DEPDC1B: variants seen among roughly 807,000 people sequenced by gnomAD.
The protein encoded by DEPDC1B is DEP domain-containing protein 1B.
DEPDC1B carries 51 observed loss-of-function variants against 66.5 expected under a neutral mutation model. The observed-to-expected ratio is 0.77, with a 90% CI of 0.61 to 0.97. DEPDC1B has a LOEUF of 0.97. Among genes scored for constraint, DEPDC1B ranks in the 50% least tolerant of loss-of-function variants. DEPDC1B has a pLI of 0.00. For missense variants in DEPDC1B, 552 were observed against 637.1 expected (o/e 0.87, Z 1.44); for synonymous variants, 226 against 223.6 (o/e 1.01, Z -0.10).
chr5:60,683,727 C>T (rs1754349831), intron 2 of DEPDC1B, among the ~76,000 whole-genome samples: 1 of 152,044 alleles, frequency 6.6e-6, no homozygotes, highest in African/African-American at 2.4e-5. Context: ...TTTCACCACT[C>T]TTACTGAAAA....
chr5:60,631,097 A>G (rs988183894), intron 7 of DEPDC1B: 5 of 152,274 alleles, frequency 3.3e-5, no homozygotes, highest in African/African-American at 9.7e-5. Flanking sequence ...CCTGGGGAAC[A>G]ATTCATTGAA....
rs751028330 is a variant in DEPDC1B at position 60,647,481 on chromosome 5, T to C, written c.367A>G (p.Lys123Glu). 5 of 1,612,518 alleles carry C rather than the reference T, an allele frequency of 3.1e-6. No individual in the cohort carries two copies. The Admixed American group carries it at 5.0e-5, about 16-fold the overall frequency. ...KPYPKKPPNQ[K>E]DVIKFPEWND... Reference sequence around the variant, plus strand: ...CATTCTGGAAATTTAATAACATCCTTTTGGTTTGGGGGCTTCTTTGGATAT... The same window carrying C: ...CATTCTGGAAATTTAATAACATCCTCTTGGTTTGGGGGCTTCTTTGGATAT... The change falls in exon 3 of 11, where the codon AAG becomes GAG. Residue 123 changes from lysine (K) to glutamate (E), a missense_variant. Transcript: ENST00000265036.
chr5:60,609,231 C>T (rs1007134188), intron 7 of DEPDC1B, among the ~76,000 whole-genome samples: 1 of 152,158 alleles, frequency 6.6e-6, no homozygotes, highest in African/African-American at 2.4e-5. Context: ...GATAAGCGAC[C>T]ATCCTTGACT....
chr5:60,663,554 A>G (rs1753769499), intron 2 of DEPDC1B, among the ~76,000 whole-genome samples: 1 of 152,136 alleles, frequency 6.6e-6, no homozygotes, highest in Non-Finnish European at 1.5e-5. Context: ...ATCCCCGTAC[A>G]TTCTGACTCT....
intron 8 of DEPDC1B, among the ~76,000 whole-genome samples, chr5:60,604,626 A>G (rs1752273798): frequency 6.6e-6 from 1 of 152,092 alleles, no homozygotes; most frequent in Non-Finnish European, 1.5e-5. Context: ...CTTTAAGCAA[A>G]AAATCATGTA....
intron 7 of DEPDC1B, among the ~76,000 whole-genome samples, chr5:60,620,040 A>T (rs1010508275): frequency 6.6e-6 from 1 of 152,218 alleles, no homozygotes; most frequent in Non-Finnish European, 1.5e-5. Flanking sequence ...GAAATGGGGA[A>T]ATGATTCCCT....
chr5:60,662,329 G>C (rs112951331), intron 2 of DEPDC1B, among the ~76,000 whole-genome samples: 1 of 152,004 alleles, frequency 6.6e-6, no homozygotes, highest in Middle Eastern at 3.2e-3. Context: ...CAGAGCTTGC[G>C]GTGAGCTGAG....
chr5:60,601,053 G>A (rs1005730411), intron 9 of DEPDC1B, among the ~76,000 whole-genome samples: 3 of 152,160 alleles, frequency 2.0e-5, no homozygotes, highest in African/African-American at 7.2e-5. Context: ...TCTCTCTCCT[G>A]CTGCCTCATG....
chr5:60,676,472 T>C (rs1458568677), intron 2 of DEPDC1B, among the ~76,000 whole-genome samples: 5 of 152,192 alleles, frequency 3.3e-5, no homozygotes, highest in Non-Finnish European at 1.5e-5. Flanking sequence ...TGCCTCGCTT[T>C]AATAACTTCT....
intron 7 of DEPDC1B, among the ~76,000 whole-genome samples, chr5:60,623,446 A>G (rs1352090076): frequency 6.6e-6 from 1 of 152,156 alleles, no homozygotes; most frequent in Non-Finnish European, 1.5e-5. Flanking sequence ...TCTTAAAAAC[A>G]GGTAATGTAA....
chr5:60,692,356 G>A (rs990392490), intron 1 of DEPDC1B, among the ~76,000 whole-genome samples: 1 of 152,132 alleles, frequency 6.6e-6, no homozygotes, highest in Non-Finnish European at 1.5e-5. Context: ...AGTATTTGAG[G>A]TGATGGATAT....
In DEPDC1B at chr5:60,700,040, A is replaced by G; in HGVS notation, c.48+6T>C. 1 of 1,555,006 alleles carries G rather than the reference A, an allele frequency of 6.4e-7. No individual in the cohort carries two copies. The highest frequency in any genetic ancestry group is 8.7e-7 in the Non-Finnish European group (1 of 1,151,062). The stretch of plus-strand genomic sequence containing the variant: ...GCTCCGCCCAGGCCCCAGCACACTC[A>G]CTCACCAGCCTGGTAGCTCGGTACG... On this transcript the variant is annotated splice_donor_region_variant and intron_variant, in intron 1 of 10. Coordinates refer to ENST00000265036, the MANE Select transcript of DEPDC1B (RefSeq NM_018369.3).
rs1192516493 is a variant in DEPDC1B at position 60,638,808 on chromosome 5, A to T, written c.840T>A (p.Gly280=). 2 of 1,613,144 alleles carry T rather than the reference A, an allele frequency of 1.2e-6. No individual in the cohort carries two copies. The highest frequency in any genetic ancestry group is 1.7e-6 in the Non-Finnish European group (2 of 1,179,544). The part of the protein sequence containing the change: ...DVFKTIADYY[G]HLKEPLLTFH... ...ATGTAAGTAGAGGCTCTTTCAAGTG[A>T]CCATAGTAATCAGCTATGGTTTTAA... The change falls in exon 7 of 11, where the codon GGT becomes GGA. Residue 280 remains glycine (G), a synonymous_variant. Transcript: ENST00000265036.
At chr5:60,620,991 G>A (rs1752687429) in intron 7 of DEPDC1B, among the ~76,000 whole-genome samples, 1 of 152,090 alleles carries the variant, frequency 6.6e-6, no homozygotes, top group Admixed American at 6.6e-5. Context: ...GCTTTGTAGG[G>A]ACATGGATGA....
intron 10 of DEPDC1B, among the ~76,000 whole-genome samples, chr5:60,598,190 A>G (rs1254045307): frequency 6.6e-6 from 1 of 152,192 alleles, no homozygotes; most frequent in African/African-American, 2.4e-5. Context: ...TCTGACTTCA[A>G]AATAACTTCT....
intron 2 of DEPDC1B, among the ~76,000 whole-genome samples, chr5:60,662,210 A>T (rs1263976466): frequency 6.6e-6 from 1 of 151,928 alleles, no homozygotes; most frequent in Non-Finnish European, 1.5e-5. Flanking sequence ...AACACAGTGA[A>T]ACCCCGTCTC....
intron 2 of DEPDC1B, among the ~76,000 whole-genome samples, chr5:60,659,625 A>C (rs2111936382): frequency 6.6e-6 from 1 of 152,310 alleles, no homozygotes. Flanking sequence ...GCACAGCCAG[A>C]AGTCTCTATT....
Position 60,661,741 on chromosome 5 carries a change from T to C in DEPDC1B, c.315-14208A>G, listed in dbSNP as rs1753720663. Among the ~76,000 whole-genome samples the C allele has an allele frequency of 5.3e-5, 8 of 152,234 alleles. No individual in the cohort carries two copies. The South Asian group carries it at 1.7e-3, about 32-fold the overall frequency. On this transcript the variant is annotated intron_variant, in intron 2 of 10. Transcript: ENST00000265036. ...AGCCCGAGAGTTTGGCGATCTCTGG[T>C]ATCTCAGTCAGGTCAATGATAGGAT... is the stretch of plus-strand genomic sequence containing the variant.
Position 60,597,694 on chromosome 5 carries a change from C to A in DEPDC1B, c.*59G>T. The A allele has an allele frequency of 6.5e-7, 1 of 1,543,780 alleles. No homozygotes were observed. The highest frequency in any genetic ancestry group is 8.7e-7 in the Non-Finnish European group (1 of 1,146,202). On this transcript the variant is annotated 3_prime_UTR_variant, in exon 11 of 11. Transcript: ENST00000265036. ...TCCACCACCAAAGTCTTTCTCCTAA[C>A]CACCATTCACTCAAAACAACAACAG...
Sources: gnomAD v4.1 joint callset for allele counts (sites outside exome capture counted in the v4.1 genomes callset) on GRCh38, gnomAD v4.1.1 for gene constraint, MANE v1.5 for transcripts, NCBI Gene and HGNC (gene_info 2026-07-23, HGNC 2026-07-21) for gene names.